Variants in RPL7L1 observed in about 807,000 individuals in gnomAD.
RPL7L1 encodes ribosomal protein L7 like 1, also known as ribosomal protein uL30-like.
RPL7L1 carries 20 observed loss-of-function variants against 30.3 expected under a neutral mutation model. The ratio of observed to expected loss-of-function variants is 0.66; its 90% CI spans 0.46 to 0.96. The LOEUF is 0.96. Ranked by LOEUF, RPL7L1 falls within the 40% of genes least tolerant of loss-of-function variation. The pLI is 0.00. For synonymous variants in RPL7L1, 107 were observed against 110.1 expected, an observed-to-expected ratio of 0.97 and a Z score of 0.18; for missense variants, 271 against 314.9, an observed-to-expected ratio of 0.86 and a Z score of 1.05.
In RPL7L1 at chr6:42,879,842, C is replaced by G; in HGVS notation, c.-69C>G. ...ACGCTGACTGGTCCTCCAGCGTGAG[C>G]TAGAACAGACGTCTCTATGGTCAAG... On this transcript the variant is annotated 5_prime_UTR_variant, in exon 1 of 6. Transcript: ENST00000493763. 1 of 1,543,926 alleles carries G rather than the reference C, an allele frequency of 6.5e-7. No individual in the cohort carries two copies. Among genetic ancestry groups the G allele is most frequent in the South Asian group, 1.1e-5 (1 of 89,498 alleles).
At position 42,883,442 on chromosome 6, in the gene RPL7L1, T is replaced by G; in HGVS notation, c.148-9T>G. 1 of 1,567,914 alleles carries G rather than the reference T, an allele frequency of 6.4e-7. No homozygotes were observed. Among genetic ancestry groups the G allele is most frequent in the African/African-American group, 1.4e-5 (1 of 73,034 alleles). On this transcript the variant is annotated splice_polypyrimidine_tract_variant and intron_variant, in intron 2 of 5. Transcript: ENST00000493763. ...ACAAGATGATGATGATGGTCTGTCTTCTCTGTAGCAGAAGAAAGGAAAAGG... is the reference window on the plus strand; with the variant it reads ...ACAAGATGATGATGATGGTCTGTCTGCTCTGTAGCAGAAGAAAGGAAAAGG...
chr6:42,879,673 A>G lies in RPL7L1; in HGVS notation c.-238A>G, dbSNP rs1765995314. 2 of 476,432 alleles carry G rather than the reference A, an allele frequency of 4.2e-6. No homozygotes were observed. The highest frequency in any genetic ancestry group is 3.3e-5 in the Admixed American group (1 of 30,656). The allele number at this position is 476,432 out of a possible 1,614,324, so 29.5% of individuals were successfully genotyped here. ...GGGAAGCACTTTGCTGTCCACAGCC[A>G]GGCCGCTTGTGATGAAACTGTAACT... is the stretch of plus-strand genomic sequence containing the variant. On this transcript the variant is annotated 5_prime_UTR_variant, in exon 1 of 6. Coordinates refer to ENST00000493763, the MANE Select transcript of RPL7L1 (RefSeq NM_001366481.3).
chr6:42,883,004 G>A (rs1766134698), intron 2 of RPL7L1: 1 of 155,184 alleles, frequency 6.4e-6, no homozygotes, highest in African/African-American at 2.4e-5. Flanking sequence ...CTGGGTTCAA[G>A]AGAACCTCCC....
chr6:42,884,714 A>T lies in RPL7L1; in HGVS notation c.413A>T (p.Lys138Ile). 1 of 1,614,088 alleles carries T rather than the reference A, an allele frequency of 6.2e-7. No individual in the cohort carries two copies. The highest frequency in any genetic ancestry group is 8.5e-7 in the Non-Finnish European group (1 of 1,180,010). Residue 138 changes from lysine to isoleucine, a missense_variant, in exon 4 of 6, where the codon AAA becomes ATA. Physicochemically the swap from Lys to Ile is moderately radical, Grantham distance 102. Transcript: ENST00000493763. ...VFVKVTPQNL[K>I]MLRIVEPYVT... ...GTAAAAGTCACCCCCCAGAATCTAA[A>T]AATGCTGCGTATAGTGGAACCTTAT...
In RPL7L1 at chr6:42,886,712, C is replaced by T. The variant is rs1427708931; in HGVS notation, c.*248C>T. 9.7e-6 allele frequency: 4 copies of T among 411,058 alleles called. No homozygotes were observed. Among genetic ancestry groups the T allele is most frequent in the South Asian group, 5.0e-5 (2 of 40,084 alleles). 25.5% of individuals were successfully genotyped at this position (411,058 alleles called of 1,614,324 possible). A position where few individuals can be genotyped will look rare whatever the true frequency, so the allele number is the denominator to read the frequency against. On this transcript the variant is annotated 3_prime_UTR_variant, in exon 6 of 6. Transcript: ENST00000493763. ...TGTCGAGTAACTAAAAACTGTATTGCTGGCCGGGCGCGGTGGCTCACGCCT... is the reference window on the plus strand; with the variant it reads ...TGTCGAGTAACTAAAAACTGTATTGTTGGCCGGGCGCGGTGGCTCACGCCT...
At chr6:42,881,018 T>G in intron 2 of RPL7L1, 52 bp downstream of exon 2, 1 of 962,278 alleles carries the variant, frequency 1.0e-6, no homozygotes, top group Non-Finnish European at 1.7e-6. Context: ...TTGGTGAGTT[T>G]TATCCCGCAT....
Position 42,884,665 on chromosome 6 carries a change from A to G in RPL7L1, c.364A>G (p.Lys122Glu), listed in dbSNP as rs187563119. The change falls in exon 4 of 6, where the codon AAG becomes GAG. Residue 122 changes from lysine to glutamate, a missense_variant. Lys to Glu is a moderately conservative substitution (Grantham distance 56). Transcript: ENST00000493763. ...VQRTIARLRLKKIFSGVFVKV... is the reference protein window; with the variant it reads ...VQRTIARLRLEKIFSGVFVKV... ...GAGAACCATTGCAAGACTTCGCCTAAAGAAAATTTTTAGTGGTGTCTTTGT... is the reference window on the plus strand; with the variant it reads ...GAGAACCATTGCAAGACTTCGCCTAGAGAAAATTTTTAGTGGTGTCTTTGT... 1.2e-6 allele frequency: 2 copies of G among 1,614,014 alleles called. No homozygotes were observed. Among genetic ancestry groups the G allele is most frequent in the Non-Finnish European group, 8.5e-7 (1 of 1,179,966 alleles).
intron 1 of RPL7L1, 54 bp from the exon 2 acceptor site, chr6:42,880,807 C>T (rs1331681531): frequency 3.8e-6 from 4 of 1,050,030 alleles, no homozygotes; most frequent in Non-Finnish European, 4.4e-6. Flanking sequence ...GCCACCGAGC[C>T]CGGCCAAGTG....
intron 4 of RPL7L1, among the ~76,000 whole-genome samples, chr6:42,885,260 G>A (rs929558984): frequency 6.7e-6 from 1 of 149,842 alleles, no homozygotes. Context: ...TGAGGCAGGA[G>A]AATCGCTTGA....
Position 42,886,094 on chromosome 6 carries a change from C to T in RPL7L1, c.559+11C>T, listed in dbSNP as rs1393019412. The T allele has an allele frequency of 1.3e-6, 2 of 1,482,046 alleles. No individual in the cohort carries two copies. Among genetic ancestry groups the T allele is most frequent in the Middle Eastern group, 3.5e-4 (2 of 5,706 alleles). 91.8% of individuals were successfully genotyped at this position (1,482,046 alleles called of 1,614,324 possible). On this transcript the variant is annotated intron_variant, in intron 5 of 5. Coordinates refer to ENST00000493763, the MANE Select transcript of RPL7L1 (RefSeq NM_001366481.3). ...TTGAGGAGCACCTGGGTGAGTGCTA[C>T]AGCTTAGGGATCAGCTGGGGCAGAA...
At chr6:42,880,236 C>G (rs747590827) in intron 1 of RPL7L1, among the ~76,000 whole-genome samples, 2 of 152,136 alleles carry the variant, frequency 1.3e-5, no homozygotes, top group Non-Finnish European at 2.9e-5. Flanking sequence ...GATAGGCCTG[C>G]CCCCGCCCCA....
intron 2 of RPL7L1, 97 bp from the exon 3 acceptor site, chr6:42,883,354 G>C: frequency 1.1e-6 from 1 of 948,812 alleles, no homozygotes; most frequent in Non-Finnish European, 1.5e-6. Context: ...GGAACACGGG[G>C]AAATAAGCTA....
chr6:42,884,530 G>A, intron 3 of RPL7L1, 83 bp from the exon 4 acceptor site: 1 of 1,265,884 alleles, frequency 7.9e-7, no homozygotes, highest in Non-Finnish European at 1.1e-6. Context: ...AGATTACCCA[G>A]TGTAGTGACC....
rs1766407978 is a variant in RPL7L1, at chr6:42,889,873, A to G, written c.*3409A>G. On this transcript the variant is annotated 3_prime_UTR_variant, in exon 6 of 6. Coordinates refer to ENST00000493763, the MANE Select transcript of RPL7L1 (RefSeq NM_001366481.3). ...TTGTAATTTATAATTGTATACAAAT[A>G]AAAGATGTTACAAAAATTGCGCACT... is the stretch of plus-strand genomic sequence containing the variant. 1 of 152,274 alleles carries G rather than the reference A, an allele frequency of 6.6e-6. No homozygotes were observed. The highest frequency in any genetic ancestry group is 2.4e-5 in the African/African-American group (1 of 41,466). 9.4% of individuals were successfully genotyped at this position (152,274 alleles called of 1,614,324 possible).
chr6:42,887,461 T>C lies in RPL7L1; in HGVS notation c.*997T>C, dbSNP rs1253047801. The stretch of plus-strand genomic sequence containing the variant: ...AGCCGGGCATGGTGGCACGTGCCTG[T>C]AATCCCAGCTACTCAGGAGGCTGAG... On this transcript the variant is annotated 3_prime_UTR_variant, in exon 6 of 6. Coordinates refer to ENST00000493763, the MANE Select transcript of RPL7L1 (RefSeq NM_001366481.3). 2.0e-5 allele frequency: 3 copies of C among 151,906 alleles called. No individual in the cohort carries two copies. Among genetic ancestry groups the C allele is most frequent in the Admixed American group, 6.6e-5 (1 of 15,232 alleles). The allele number at this position is 151,906 out of a possible 1,614,324, so 9.4% of individuals were successfully genotyped here.
intron 2 of RPL7L1, 170 bp downstream of exon 2, chr6:42,881,136 GCCTAAATCT>G (rs931959823): frequency 1.1e-5 from 6 of 544,484 alleles, no homozygotes; most frequent in African/African-American, 9.8e-5. Flanking sequence ...TCCCACAGAT[GCCTAAATCT>G]CAGACTGCTG....
chr6:42,886,221 TTAAA>T, intron 5 of RPL7L1, 31 bp from the exon 6 acceptor site: 1 of 1,577,124 alleles, frequency 6.3e-7, no homozygotes, highest in Non-Finnish European at 8.7e-7. Context: ...TGGATACATG[TTAAA>T]TAAAGGAATC....
In RPL7L1 at chr6:42,879,833, C is replaced by A. The variant is rs1328279136; in HGVS notation, c.-78C>A. 1 of 1,496,606 alleles carries A rather than the reference C, an allele frequency of 6.7e-7. No individual in the cohort carries two copies. The highest frequency in any genetic ancestry group is 2.3e-5 in the East Asian group (1 of 44,168). The allele number at this position is 1,496,606 out of a possible 1,614,324, so 92.7% of individuals were successfully genotyped here. A position where few individuals can be genotyped will look rare whatever the true frequency, so the allele number is the denominator to read the frequency against. Reference sequence around the variant, plus strand: ...GCTAAGTGAACGCTGACTGGTCCTCCAGCGTGAGCTAGAACAGACGTCTCT... The same window carrying A: ...GCTAAGTGAACGCTGACTGGTCCTCAAGCGTGAGCTAGAACAGACGTCTCT... On this transcript the variant is annotated 5_prime_UTR_variant, in exon 1 of 6. Transcript: ENST00000493763.
chr6:42,885,329 C>CA (rs79094944), intron 4 of RPL7L1, among the ~76,000 whole-genome samples: 11,713 of 127,408 alleles, frequency 0.092, 814 homozygotes, highest in African/African-American at 0.19. Flanking sequence ...CACTCTGTCT[C>CA]AAAAAAAAAA....
Sources: gnomAD v4.1 joint callset for allele counts (sites outside exome capture counted in the v4.1 genomes callset) on GRCh38, gnomAD v4.1.1 for gene constraint, MANE v1.5 for transcripts, NCBI Gene and HGNC (gene_info 2026-07-23, HGNC 2026-07-21) for gene names.